ARHGAP32: variants seen among roughly 807,000 people sequenced by gnomAD.
The protein encoded by ARHGAP32 is rho GTPase-activating protein 32.
A neutral mutation model predicts 186.5 loss-of-function variants in ARHGAP32; 51 were observed. That is an observed-to-expected ratio of 0.27 (90% CI 0.22 to 0.35). The LOEUF (loss-of-function observed/expected upper bound fraction) is 0.35. ARHGAP32 is among the 10% of genes least tolerant of loss of function. The pLI, the probability that ARHGAP32 is intolerant of heterozygous loss-of-function variation, is 1.00. For missense variants in ARHGAP32, 2,186 were observed against 2,623.5 expected (o/e 0.83, Z 3.64); for synonymous variants, 950 against 964.3 (o/e 0.99, Z 0.27).
In ARHGAP32 at chr11:128,968,826, G is replaced by T; in HGVS notation, c.*81C>A. 8.9e-7 allele frequency: 1 copy of T among 1,123,164 alleles called. No homozygotes were observed. The allele number at this position is 1,123,164 out of a possible 1,614,324, so 69.6% of individuals were successfully genotyped here. A position where few individuals can be genotyped will look rare whatever the true frequency, so the allele number is the denominator to read the frequency against. ...GGTCAGGGGTTTTATAGTATTTTTTGTTTAATCTTTTTGGTTATTGAAAAA... is the reference window on the plus strand; with the variant it reads ...GGTCAGGGGTTTTATAGTATTTTTTTTTTAATCTTTTTGGTTATTGAAAAA... On this transcript the variant is annotated 3_prime_UTR_variant, in exon 23 of 23. Coordinates refer to ENST00000682385, the MANE Select transcript of ARHGAP32 (RefSeq NM_001378024.1).
chr11:129,111,221 T>C (rs1426032175), intron 5 of ARHGAP32, among the ~76,000 whole-genome samples: 1 of 152,206 alleles, frequency 6.6e-6, no homozygotes, highest in African/African-American at 2.4e-5. Context: ...TGATGTATCA[T>C]GTTTATTGAT....
intron 2 of ARHGAP32, among the ~76,000 whole-genome samples, chr11:129,159,094 G>A (rs574989640): frequency 2.6e-5 from 4 of 152,276 alleles, no homozygotes; most frequent in African/African-American, 9.6e-5. Context: ...ATGACCACAG[G>A]AGAAAGTGGG....
intron 2 of ARHGAP32, among the ~76,000 whole-genome samples, chr11:129,141,072 C>A (rs953297964): frequency 6.6e-6 from 1 of 152,060 alleles, no homozygotes; most frequent in Non-Finnish European, 1.5e-5. Flanking sequence ...CTGCACAGCA[C>A]CTTAATAATC....
Position 128,974,605 on chromosome 11 carries a change from T to C in ARHGAP32, c.2592A>G (p.Ala864=). ...SSQCQTPGST[A]SSEPVSPLQE... ...GAAGAGGAGAGACAGGTTCAGAGCT[T>C]GCTGTGCTTCCTGGAGTCTGACATT... Residue 864 remains alanine, a synonymous_variant, in exon 21 of 23, where the codon GCA becomes GCG. Transcript: ENST00000682385. 6.2e-7 allele frequency: 1 copy of C among 1,614,196 alleles called. No individual in the cohort carries two copies. The highest frequency in any genetic ancestry group is 1.1e-5 in the South Asian group (1 of 91,074).
chr11:128,972,999 T>A lies in ARHGAP32; in HGVS notation c.3507A>T (p.Ala1169=), dbSNP rs750344842. 12 of 1,613,964 alleles carry A rather than the reference T, an allele frequency of 7.4e-6. No individual in the cohort carries two copies. In the African/African-American group the frequency reaches 9.3e-5, roughly 13 times the overall value. ...VDLTGNQPHQ[A]YLSGDPEKAR... Reference sequence around the variant, plus strand: ...CCTTTTCTGGGTCCCCAGATAAATATGCTTGATGTGGCTGATTCCCTGTTA... The same window carrying A: ...CCTTTTCTGGGTCCCCAGATAAATAAGCTTGATGTGGCTGATTCCCTGTTA... Residue 1169 remains alanine, a synonymous_variant, in exon 22 of 23, where the codon GCA becomes GCT. Transcript: ENST00000682385.
chr11:128,983,699 G>A lies in ARHGAP32; in HGVS notation c.1527-1763C>T, dbSNP rs920870919. ...CCAGGCTCCTCAGCCAAAAAAAAAA[G>A]AAAACCATGTAAAATTTTATTACTT... On this transcript the variant is annotated intron_variant, in intron 15 of 22. Transcript: ENST00000682385. Among the ~76,000 whole-genome samples, 7 of 149,858 alleles carry A rather than the reference G, an allele frequency of 4.7e-5. No individual in the cohort carries two copies. In the South Asian group the frequency reaches 8.7e-4, roughly 19 times the overall value.
At chr11:129,067,831 G>A (rs1940745277) in intron 6 of ARHGAP32, among the ~76,000 whole-genome samples, 1 of 151,990 alleles carries the variant, frequency 6.6e-6, no homozygotes, top group South Asian at 2.1e-4. Flanking sequence ...ATCACCTCAT[G>A]AGAGGGTGCT....
intron 10 of ARHGAP32, among the ~76,000 whole-genome samples, chr11:129,057,625 G>A (rs772966332): frequency 4.7e-5 from 7 of 149,622 alleles, no homozygotes; most frequent in Non-Finnish European, 1.0e-4. Flanking sequence ...CAAATCCCAC[G>A]TCATATTCCA....
chr11:129,163,827 A>G (rs1392625199), intron 2 of ARHGAP32, among the ~76,000 whole-genome samples: 1 of 152,170 alleles, frequency 6.6e-6, no homozygotes, highest in Non-Finnish European at 1.5e-5. Context: ...TCAATAAAGT[A>G]CAAGAAACTG....
intron 1 of ARHGAP32, among the ~76,000 whole-genome samples, chr11:129,235,947 A>T (rs1167797108): frequency 7.5e-5 from 11 of 145,794 alleles, no homozygotes; most frequent in Non-Finnish European, 1.5e-4. Flanking sequence ...ACACTCACAC[A>T]CATTTTCTTT....
chr11:129,119,284 C>G (rs1565431429), intron 5 of ARHGAP32, among the ~76,000 whole-genome samples: 2 of 151,962 alleles, frequency 1.3e-5, no homozygotes, highest in Non-Finnish European at 2.9e-5. Flanking sequence ...CACACCAGCA[C>G]CTTTCTCCTC....
chr11:129,260,284 C>T (rs748848516), intron 1 of ARHGAP32, among the ~76,000 whole-genome samples: 5 of 152,060 alleles, frequency 3.3e-5, no homozygotes, highest in Admixed American at 1.3e-4. Flanking sequence ...ACATCACTGG[C>T]GGCAATGGTC....
chr11:129,163,566 A>G (rs564656364), intron 2 of ARHGAP32, among the ~76,000 whole-genome samples: 42 of 152,090 alleles, frequency 2.8e-4, no homozygotes, highest in Non-Finnish European at 1.6e-4. Flanking sequence ...ATTCATTGAC[A>G]ACAGCTGTCT....
At chr11:129,038,888 G>GAAAAAAAAAAAAAAAAAAAGAAAAA (rs1939474442) in intron 11 of ARHGAP32, among the ~76,000 whole-genome samples, 1 of 92,192 alleles carries the variant, frequency 1.1e-5, no homozygotes. Flanking sequence ...ACCCTGTCTC[G>GAAAAAAAAAAAAAAAAAAAGAAAAA]AAAAAAAAAA....
At chr11:129,116,752 A>C (rs1942379749) in intron 5 of ARHGAP32, among the ~76,000 whole-genome samples, 1 of 152,172 alleles carries the variant, frequency 6.6e-6, no homozygotes, top group Non-Finnish European at 1.5e-5. Flanking sequence ...AGGTGAAGTC[A>C]GTATCCACTG....
intron 1 of ARHGAP32, among the ~76,000 whole-genome samples, chr11:129,188,805 C>T (rs541238651): frequency 5.3e-5 from 8 of 152,246 alleles, no homozygotes; most frequent in African/African-American, 1.9e-4. Flanking sequence ...TGAAGATCAG[C>T]GATCTGGGCA....
At chr11:129,114,917 T>C (rs12287329) in intron 5 of ARHGAP32, among the ~76,000 whole-genome samples, 3,046 of 152,222 alleles carry the variant, frequency 0.02, 53 homozygotes, top group African/African-American at 0.044. Flanking sequence ...TTTCTCCATA[T>C]GGAGAATGGA....
At chr11:128,976,102 T>TATATATATATATATATATA (rs1565351052) in intron 20 of ARHGAP32, among the ~76,000 whole-genome samples, 3 of 146,326 alleles carry the variant, frequency 2.1e-5, no homozygotes, top group Non-Finnish European at 3.0e-5. Flanking sequence ...TATATATATA[T>TATATATATATATATATATA]TCACAAATGT....
chr11:129,093,327 A>C (rs1000688083), intron 6 of ARHGAP32, among the ~76,000 whole-genome samples: 2 of 152,130 alleles, frequency 1.3e-5, no homozygotes, highest in African/African-American at 4.8e-5. Flanking sequence ...TTATTTACTC[A>C]TAAGTGTCAA....
Sources: allele counts gnomAD v4.1 joint callset (sites outside exome capture counted in the v4.1 genomes callset), GRCh38; gene constraint gnomAD v4.1.1; transcripts MANE v1.5; gene names NCBI Gene and HGNC (gene_info 2026-07-23, HGNC 2026-07-21).